The following HMG20A variants were observed in gnomAD, a reference collection of about 807,000 sequenced individuals.
HMG20A encodes the protein high mobility group 20A.
HMG20A carries 17 observed loss-of-function variants against 43.9 expected under a neutral mutation model. That is an observed-to-expected ratio of 0.39 (90% CI 0.27 to 0.58). The LOEUF (loss-of-function observed/expected upper bound fraction) is 0.58, where lower values mean the gene tolerates loss of function less well. HMG20A is among the 20% of genes least tolerant of loss of function. HMG20A has a pLI of 0.59. For missense variants in HMG20A, 341 were observed against 438.2 expected, an observed-to-expected ratio of 0.78 and a Z score of 1.98; for synonymous variants, 132 against 147.5, an observed-to-expected ratio of 0.89 and a Z score of 0.76.
chr15:77,494,711 A>G, the HMG20A span, among the ~76,000 whole-genome samples: 4 of 152,362 alleles, frequency 2.6e-5, no homozygotes, highest in South Asian at 6.2e-4. Context: ...TCTTAGAACT[A>G]GATGAAAGCA....
chr15:77,443,699 G>GTATT (rs2073641468), intron 1 of HMG20A, among the ~76,000 whole-genome samples: 1 of 149,348 alleles, frequency 6.7e-6, no homozygotes, highest in Non-Finnish European at 1.5e-5. Context: ...TTTTTCTTAT[G>GTATT]TATTTATTTA....
chr15:77,478,349 G>A lies in HMG20A; in HGVS notation c.746G>A (p.Arg249Lys). The A allele has an allele frequency of 6.2e-7, 1 of 1,613,728 alleles. No homozygotes were observed. The change falls in exon 8 of 10, where the codon AGG becomes AAG. Residue 249 changes from arginine (R) to lysine (K), a missense_variant. Coordinates refer to ENST00000336216, the MANE Select transcript of HMG20A (RefSeq NM_001304504.2). Reference sequence around the variant, plus strand: ...AAATCCAACATGGAGTTTGAGGAGAGGAATGCAGCCCTGCAAAAGCACGTG... The same window carrying A: ...AAATCCAACATGGAGTTTGAGGAGAAGAATGCAGCCCTGCAAAAGCACGTG... ...LRKSNMEFEERNAALQKHVES... is the reference protein window; with the variant it reads ...LRKSNMEFEEKNAALQKHVES...
intron 3 of HMG20A, 72 bp downstream of exon 3, chr15:77,464,459 T>G: frequency 6.6e-7 from 1 of 1,511,408 alleles, no homozygotes; most frequent in Non-Finnish European, 9.1e-7. Context: ...GAAGGTGTGT[T>G]GATCAAGGTG....
chr15:77,499,503 C>T, the HMG20A span, among the ~76,000 whole-genome samples: 3 of 152,216 alleles, frequency 2.0e-5, no homozygotes, highest in East Asian at 5.8e-4. Context: ...GCTCCCAGCC[C>T]TCCACATCTC....
At chr15:77,471,851 T>A in intron 6 of HMG20A, 37 bp downstream of exon 6, 1 of 1,203,872 alleles carries the variant, frequency 8.3e-7, no homozygotes, top group South Asian at 1.4e-5. Flanking sequence ...TATATATGTA[T>A]TTATAATAAT....
chr15:77,445,927 G>A (rs540447616), intron 1 of HMG20A, among the ~76,000 whole-genome samples: 1 of 152,236 alleles, frequency 6.6e-6, no homozygotes, highest in South Asian at 2.1e-4. Flanking sequence ...AATATTTTTG[G>A]ACTGCAGTTG....
the HMG20A span, among the ~76,000 whole-genome samples, chr15:77,505,699 C>T: frequency 6.6e-6 from 1 of 152,244 alleles, no homozygotes; most frequent in Admixed American, 6.5e-5. Context: ...GTGATGCATG[C>T]AAGGATATAA....
chr15:77,426,518 A>G (rs1044458798), intron 1 of HMG20A, among the ~76,000 whole-genome samples: 1 of 152,150 alleles, frequency 6.6e-6, no homozygotes, highest in Non-Finnish European at 1.5e-5. Context: ...AAAGGTATTC[A>G]TCCTTGTCAT....
At chr15:77,467,330 CTT>C in intron 4 of HMG20A, 23 bp downstream of exon 4, 10 of 1,569,976 alleles carry the variant, frequency 6.4e-6, no homozygotes, top group Non-Finnish European at 7.0e-6. Flanking sequence ...ATTCCTGACT[CTT>C]TGTTTGGTTT....
intron 2 of HMG20A, 106 bp from the exon 3 acceptor site, chr15:77,464,134 A>C: frequency 8.3e-7 from 1 of 1,202,364 alleles, no homozygotes; most frequent in Non-Finnish European, 1.2e-6. Context: ...TATTGGGGGA[A>C]TTAATTCAAG....
At chr15:77,459,503 A>G (rs2072686369) in intron 2 of HMG20A, among the ~76,000 whole-genome samples, 1 of 152,210 alleles carries the variant, frequency 6.6e-6, no homozygotes, top group Non-Finnish European at 1.5e-5. Flanking sequence ...AAAAGTGGAG[A>G]AAAGGGATAG....
At chr15:77,477,512 T>C (rs1170470669) in intron 6 of HMG20A, 43 bp from the exon 7 acceptor site, 1 of 1,355,076 alleles carries the variant, frequency 7.4e-7, no homozygotes, top group African/African-American at 1.4e-5. Flanking sequence ...ATTTAATTTA[T>C]CTTCTATTAA....
At chr15:77,432,447 C>T (rs1032375268) in intron 1 of HMG20A, among the ~76,000 whole-genome samples, 6 of 152,098 alleles carry the variant, frequency 3.9e-5, no homozygotes, top group Non-Finnish European at 5.9e-5. Context: ...GTTGGCCAGT[C>T]GCAGTGGCTC....
the HMG20A span, among the ~76,000 whole-genome samples, chr15:77,513,844 G>A: frequency 1.3e-4 from 20 of 151,754 alleles, no homozygotes; most frequent in African/African-American, 3.6e-4. Context: ...TCCTGCCTCA[G>A]TCTCCCAAGT....
intron 1 of HMG20A, among the ~76,000 whole-genome samples, chr15:77,427,764 G>C (rs369141974): frequency 6.6e-6 from 1 of 152,080 alleles, no homozygotes. Flanking sequence ...ATAATATTCA[G>C]ATTCAGACCA....
In HMG20A at chr15:77,471,051, A is replaced by T; in HGVS notation, c.583+9A>T. ...CAAATCTCATAGGCAAGGTATCAAA[A>T]CCAGAACCAAATGTATTTGTAGTTT... On this transcript the variant is annotated intron_variant, in intron 5 of 9. Transcript: ENST00000336216. 1 of 1,606,836 alleles carries T rather than the reference A, an allele frequency of 6.2e-7. No homozygotes were observed. Among genetic ancestry groups the T allele is most frequent in the Non-Finnish European group, 8.5e-7 (1 of 1,178,000 alleles).
At chr15:77,503,388 C>T in the HMG20A span, among the ~76,000 whole-genome samples, 1 of 152,158 alleles carries the variant, frequency 6.6e-6, no homozygotes, top group African/African-American at 2.4e-5. Context: ...TCAAAGGAGT[C>T]CCTCAAATCC....
intron 1 of HMG20A, among the ~76,000 whole-genome samples, chr15:77,433,659 G>A (rs1218064270): frequency 6.6e-6 from 1 of 152,168 alleles, no homozygotes; most frequent in Non-Finnish European, 1.5e-5. Flanking sequence ...GTTAGAAAGT[G>A]AAATTTTTAA....
At chr15:77,433,222 C>T (rs1322040411) in intron 1 of HMG20A, among the ~76,000 whole-genome samples, 2 of 151,432 alleles carry the variant, frequency 1.3e-5, no homozygotes, top group Non-Finnish European at 2.9e-5. Flanking sequence ...ATAGCGTGCA[C>T]CTATAGTCCT....
Sources: gnomAD v4.1 joint callset for allele counts (sites outside exome capture counted in the v4.1 genomes callset) on GRCh38, gnomAD v4.1.1 for gene constraint, MANE v1.5 for transcripts, NCBI Gene and HGNC (gene_info 2026-07-23, HGNC 2026-07-21) for gene names.